The following ZNF101 variants were observed in gnomAD, a reference collection of about 807,000 sequenced individuals.
The protein encoded by ZNF101 is zinc finger protein 101.
Under a neutral mutation model 42.6 loss-of-function variants are expected in ZNF101, and 34 were observed. That is an observed-to-expected ratio of 0.80 (90% CI 0.61 to 1.06). The LOEUF (loss-of-function observed/expected upper bound fraction) is 1.06, where lower values mean the gene tolerates loss of function less well. ZNF101 is among the 50% of genes least tolerant of loss of function. The probability of loss-of-function intolerance (pLI) is 0.00; values close to 1 mark genes in which losing one functional copy is unlikely to be tolerated. For missense variants in ZNF101, 466 were observed against 530.9 expected, an observed-to-expected ratio of 0.88 and a Z score of 1.20; for synonymous variants, 158 against 183.9, an observed-to-expected ratio of 0.86 and a Z score of 1.14.
intron 1 of ZNF101, among the ~76,000 whole-genome samples, chr19:19,669,740 C>G (rs1391657327): frequency 2.0e-5 from 3 of 152,136 alleles, no homozygotes; most frequent in Non-Finnish European, 4.4e-5. Flanking sequence ...GCCTCGGTCT[C>G]CCAAAGTGCT....
At chr19:19,676,755 T>A (rs764482373) in intron 1 of ZNF101, 12 of 152,044 alleles carry the variant, frequency 7.9e-5, no homozygotes, top group Non-Finnish European at 1.6e-4. Context: ...TGTCTCAGCC[T>A]CCCAAATAGC....
Position 19,679,426 on chromosome 19 carries a change from A to T in ZNF101, c.437A>T (p.His146Leu). The T allele has an allele frequency of 6.2e-7, 1 of 1,614,054 alleles. No homozygotes were observed. The highest frequency in any genetic ancestry group is 1.3e-5 in the African/African-American group (1 of 75,048). Reference sequence around the variant, plus strand: ...GAGACGCCCCGTAAACAGAAACAACATGGGAAAGCCTCCATTTCCCCCAGT... The same window carrying T: ...GAGACGCCCCGTAAACAGAAACAACTTGGGAAAGCCTCCATTTCCCCCAGT... ...WRETPRKQKQHGKASISPSSG... is the reference protein window; with the variant it reads ...WRETPRKQKQLGKASISPSSG... The change falls in exon 4 of 4, where the codon CAT becomes CTT. Residue 146 changes from histidine to leucine, a missense_variant. Coordinates refer to ENST00000592502, the MANE Select transcript of ZNF101 (RefSeq NM_033204.4).
At position 19,679,230 on chromosome 19, in the gene ZNF101, G is replaced by A. The variant is rs1264239995; in HGVS notation, c.241G>A (p.Glu81Lys). 6.2e-7 allele frequency: 1 copy of A among 1,614,206 alleles called. No homozygotes were observed. Among genetic ancestry groups the A allele is most frequent in the Non-Finnish European group, 8.5e-7 (1 of 1,180,042 alleles). The change falls in exon 4 of 4, where the codon GAA (glutamate) becomes AAA (lysine). Residue 81 changes from glutamate to lysine, a missense_variant. Coordinates refer to ENST00000592502, the MANE Select transcript of ZNF101 (RefSeq NM_033204.4). ...ACGTAAAGAAGGGAATGAACACAGA[G>A]AAACTTTCAGCCAGATTCCTGATTG... ...CGRKEGNEHRETFSQIPDCHL... is the reference protein window; with the variant it reads ...CGRKEGNEHRKTFSQIPDCHL...
In ZNF101 at chr19:19,680,175, T is replaced by G. The variant is rs1190355674; in HGVS notation, c.1186T>G (p.Cys396Gly). The G allele has an allele frequency of 1.2e-6, 2 of 1,610,318 alleles. No homozygotes were observed. The highest frequency in any genetic ancestry group is 1.7e-6 in the Non-Finnish European group (2 of 1,179,006). ...MTHTGEKPFD[C>G]KQCGKVFTFS... ...TCACACTGGAGAAAAACCCTTTGAT[T>G]GTAAACAGTGTGGTAAAGTCTTTAC... is the stretch of plus-strand genomic sequence containing the variant. Residue 396 changes from cysteine (C) to glycine (G), a missense_variant, in exon 4 of 4, where the codon TGT becomes GGT. By Grantham distance (159) the Cys-to-Gly change is radical. Coordinates refer to ENST00000592502, the MANE Select transcript of ZNF101 (RefSeq NM_033204.4).
chr19:19,672,751 T>A (rs111959739), intron 1 of ZNF101, among the ~76,000 whole-genome samples: 5 of 152,098 alleles, frequency 3.3e-5, no homozygotes, highest in African/African-American at 1.2e-4. Flanking sequence ...AGTCTGAAAC[T>A]CCTGAGCTCA....
chr19:19,679,207 G>C lies in ZNF101; in HGVS notation c.218G>C (p.Arg73Pro), dbSNP rs375840501. ...AGTCTGGTGGAGAGACTCTGTGGAC[G>C]TAAAGAAGGGAATGAACACAGAGAA... ...LRSLVERLCGRKEGNEHRETF... is the reference protein window; with the variant it reads ...LRSLVERLCGPKEGNEHRETF... Residue 73 changes from arginine (R) to proline (P), a missense_variant, in exon 4 of 4, where the codon CGT (arginine) becomes CCT (proline). Coordinates refer to ENST00000592502, the MANE Select transcript of ZNF101 (RefSeq NM_033204.4). 59 of 1,613,688 alleles carry C rather than the reference G, an allele frequency of 3.7e-5. No homozygotes were observed. The highest frequency in any genetic ancestry group is 4.4e-5 in the Non-Finnish European group (52 of 1,179,740).
chr19:19,677,974 G>A lies in ZNF101; in HGVS notation c.114G>A (p.Arg38=), dbSNP rs193014623. The A allele has an allele frequency of 4.3e-6, 7 of 1,611,758 alleles. No individual in the cohort carries two copies. In the African/African-American group the frequency reaches 9.3e-5, roughly 21 times the overall value. ...LYRDVTLETF[R]NLASVGIQWK... ...GAGATGTGACGCTGGAAACCTTCAG[G>A]AACCTGGCCTCGGTCGGTAAGAAGG... The change falls in exon 2 of 4, where the codon AGG becomes AGA. Residue 38 remains arginine, a synonymous_variant. Transcript: ENST00000592502.
At chr19:19,668,656 A>G, upstream of ZNF101, 1 of 409,568 alleles carries the variant, frequency 2.4e-6, no homozygotes, top group Non-Finnish European at 4.5e-6. Context: ...TGTCAGTCAC[A>G]CCCCACACAG....
At position 19,679,688 on chromosome 19, in the gene ZNF101, T is replaced by C. The variant is rs142089912; in HGVS notation, c.699T>C (p.Pro233=). ...ATGAATGTAAATACTGTGGAAAACC[T>C]ATCGATTATCCCAGTTTATTTCAAA... ...KRYECKYCGK[P]IDYPSLFQIH... is the part of the protein sequence containing the mutation. The change falls in exon 4 of 4, where the codon CCT becomes CCC. Residue 233 remains proline (P), a synonymous_variant. Transcript: ENST00000592502. The C allele has an allele frequency of 1.2e-6, 2 of 1,614,076 alleles. No individual in the cohort carries two copies. Among genetic ancestry groups the C allele is most frequent in the Admixed American group, 1.7e-5 (1 of 60,004 alleles).
chr19:19,668,919 G>T lies in ZNF101; in HGVS notation c.-45G>T. The T allele has an allele frequency of 6.4e-7, 1 of 1,572,550 alleles. No individual in the cohort carries two copies. ...ATTTTGTCGTGTGGGACCTGTTCTG[G>T]CTGCTCCAGCCCCAGGAAGGACCCA... On this transcript the variant is annotated 5_prime_UTR_variant, in exon 1 of 4. Transcript: ENST00000592502.
chr19:19,673,946 A>G (rs1280424049), intron 1 of ZNF101, among the ~76,000 whole-genome samples: 1 of 150,942 alleles, frequency 6.6e-6, no homozygotes, highest in Admixed American at 6.6e-5. Context: ...GGTGCCTGCC[A>G]CCGCGCCCGA....
rs1748536686 is a variant in ZNF101 at position 19,679,928 on chromosome 19, A to G, written c.939A>G (p.Gln313=). The change falls in exon 4 of 4, where the codon CAA becomes CAG. Residue 313 remains glutamine, a synonymous_variant. Coordinates refer to ENST00000592502, the MANE Select transcript of ZNF101 (RefSeq NM_033204.4). The stretch of plus-strand genomic sequence containing the variant: ...GTGGAGGAAAACTCTACGAATGTCA[A>G]AAATGTGCCAAAGTCTTTAGATGTC... ...THSGGKLYEC[Q]KCAKVFRCPT... is the part of the protein sequence containing the mutation. 6.2e-7 allele frequency: 1 copy of G among 1,614,058 alleles called. No homozygotes were observed. The highest frequency in any genetic ancestry group is 1.7e-5 in the Admixed American group (1 of 59,996).
At chr19:19,669,588 G>A (rs990556407) in intron 1 of ZNF101, among the ~76,000 whole-genome samples, 12 of 152,136 alleles carry the variant, frequency 7.9e-5, no homozygotes, top group East Asian at 1.9e-4. Context: ...CCGTCTTCCG[G>A]GTTCAAGTGA....
upstream of ZNF101, chr19:19,668,820 C>G (rs746718269): frequency 9.2e-7 from 1 of 1,088,594 alleles, no homozygotes; most frequent in Non-Finnish European, 1.3e-6. Flanking sequence ...GAAGCGGTCT[C>G]ATTTCCCGCC....
rs1293408285 is a variant in ZNF101, at chr19:19,680,922, A to T, written c.*622A>T. Reference sequence around the variant, plus strand: ...TGACAGAGCGAGACTTCGTCTCAAAACAAACAAAAAAAAGAAGGCCCCATA... The same window carrying T: ...TGACAGAGCGAGACTTCGTCTCAAATCAAACAAAAAAAAGAAGGCCCCATA... On this transcript the variant is annotated 3_prime_UTR_variant, in exon 4 of 4. Coordinates refer to ENST00000592502, the MANE Select transcript of ZNF101 (RefSeq NM_033204.4). 1 of 152,248 alleles carries T rather than the reference A, an allele frequency of 6.6e-6. No homozygotes were observed. Among genetic ancestry groups the T allele is most frequent in the African/African-American group, 2.4e-5 (1 of 41,402 alleles). The allele number at this position is 152,248 out of a possible 1,614,324, so 9.4% of individuals were successfully genotyped here. A position where few individuals can be genotyped will look rare whatever the true frequency, so the allele number is the denominator to read the frequency against.
chr19:19,680,205 T>C lies in ZNF101; in HGVS notation c.1216T>C (p.Ser406Pro), dbSNP rs149729064. The C allele has an allele frequency of 2.6e-4, 414 of 1,599,630 alleles. 1 individual carries two copies. Among genetic ancestry groups the C allele is most frequent in the Non-Finnish European group, 3.2e-4 (380 of 1,174,900 alleles). ...CKQCGKVFTF[S>P]NYLRLHERTH... ...ACAGTGTGGTAAAGTCTTTACTTTTTCAAATTACCTTAGACTTCATGAAAG... is the reference window on the plus strand; with the variant it reads ...ACAGTGTGGTAAAGTCTTTACTTTTCCAAATTACCTTAGACTTCATGAAAG... The change falls in exon 4 of 4, where the codon TCA becomes CCA. Residue 406 changes from serine to proline, a missense_variant. Ser to Pro is a moderately conservative substitution (Grantham distance 74). Transcript: ENST00000592502.
chr19:19,673,486 A>C (rs2062183436), intron 1 of ZNF101, among the ~76,000 whole-genome samples: 1 of 150,760 alleles, frequency 6.6e-6, no homozygotes, highest in South Asian at 2.1e-4. Context: ...CTGACCTTGT[A>C]ATCCACCCAC....
At chr19:19,675,624 T>C (rs990055483) in intron 1 of ZNF101, among the ~76,000 whole-genome samples, 10 of 152,210 alleles carry the variant, frequency 6.6e-5, no homozygotes, top group Non-Finnish European at 1.3e-4. Context: ...TTTTTTGTCC[T>C]CTGCTGTATG....
chr19:19,680,282 C>T lies in ZNF101; in HGVS notation c.1293C>T (p.His431=). Residue 431 remains histidine (H), a synonymous_variant, in exon 4 of 4, where the codon CAC becomes CAT. Coordinates refer to ENST00000592502, the MANE Select transcript of ZNF101 (RefSeq NM_033204.4). ...SQCFGRRQGD[H]LSPGV ...GCTTTGGCAGGAGGCAGGGGGATCA[C>T]CTGAGCCCAGGAGTTTGAGACCAGC... 2 of 1,518,300 alleles carry T rather than the reference C, an allele frequency of 1.3e-6. No individual in the cohort carries two copies. The highest frequency in any genetic ancestry group is 1.8e-6 in the Non-Finnish European group (2 of 1,138,000). The allele number at this position is 1,518,300 out of a possible 1,614,324, so 94.1% of individuals were successfully genotyped here. A position where few individuals can be genotyped will look rare whatever the true frequency, so the allele number is the denominator to read the frequency against.
Sources: allele counts gnomAD v4.1 joint callset (sites outside exome capture counted in the v4.1 genomes callset), GRCh38; gene constraint gnomAD v4.1.1; transcripts MANE v1.5; gene names NCBI Gene and HGNC (gene_info 2026-07-23, HGNC 2026-07-21).